The following ACSM2A variants were observed in gnomAD, a reference collection of about 807,000 sequenced individuals.
The protein encoded by ACSM2A is acyl-CoA synthetase medium chain family member 2A, also known as acyl-coenzyme A synthetase ACSM2A, mitochondrial.
A neutral mutation model predicts 76.6 loss-of-function variants in ACSM2A; 72 were observed. The ratio of observed to expected loss-of-function variants is 0.94; its 90% CI spans 0.78 to 1.14. ACSM2A has a LOEUF of 1.14. Ranked by LOEUF, ACSM2A falls within the 50% of genes most tolerant of loss-of-function variation. The pLI is 0.00. For missense variants in ACSM2A, 684 were observed against 708.5 expected, an observed-to-expected ratio of 0.97 and a Z score of 0.39; for synonymous variants, 249 against 255.9, an observed-to-expected ratio of 0.97 and a Z score of 0.26.
At position 20,469,620 on chromosome 16, in the gene ACSM2A, A is replaced by G. The variant is rs760909333; in HGVS notation, c.497A>G (p.Glu166Gly). The G allele has an allele frequency of 1.2e-6, 2 of 1,613,928 alleles. No homozygotes were observed. Among genetic ancestry groups the G allele is most frequent in the Non-Finnish European group, 1.7e-6 (2 of 1,179,832 alleles). The change falls in exon 4 of 14, where the codon GAA (glutamate) becomes GGA (glycine). Residue 166 changes from glutamate (E) to glycine (G), a missense_variant. Glu to Gly is a moderately conservative substitution (Grantham distance 98). Transcript: ENST00000573854. Reference protein sequence around the residue: ...AIVAGDEVIQEVDTVASECPS... With the variant: ...AIVAGDEVIQGVDTVASECPS... ...GTTGCTGGGGATGAAGTCATCCAAG[A>G]AGTGGACACAGTGGCATCTGAATGT...
In ACSM2A at chr16:20,475,616, A is replaced by G. The variant is rs764400166; in HGVS notation, c.975-34A>G. The G allele has an allele frequency of 6.8e-6, 11 of 1,613,070 alleles. No homozygotes were observed. The African/African-American group carries it at 1.5e-4, about 22-fold the overall frequency. On this transcript the variant is annotated intron_variant, in intron 7 of 13. Coordinates refer to ENST00000573854, the MANE Select transcript of ACSM2A (RefSeq NM_001308172.2). ...GCCTGAGTGGACTTTGGTTCCAGGG[A>G]GGCTGAGGGCAAACATTTATTTCTC...
intron 10 of ACSM2A, among the ~76,000 whole-genome samples, chr16:20,479,181 C>T (rs1388427816): frequency 6.6e-6 from 1 of 151,928 alleles, no homozygotes; most frequent in Non-Finnish European, 1.5e-5. Flanking sequence ...GATGGTGGAG[C>T]CAGAGATTAC....
intron 3 of ACSM2A, among the ~76,000 whole-genome samples, 194 bp from the exon 4 acceptor site, chr16:20,469,316 ACT>A (rs1352321115): frequency 1.3e-5 from 2 of 151,888 alleles, no homozygotes; most frequent in Admixed American, 1.3e-4. Flanking sequence ...GGCCCTTAAG[ACT>A]CTGACAACCC....
chr16:20,459,922 C>T (rs1453550498), intron 1 of ACSM2A, among the ~76,000 whole-genome samples, 185 bp from the exon 2 acceptor site: 2 of 152,088 alleles, frequency 1.3e-5, no homozygotes, highest in Admixed American at 6.6e-5. Flanking sequence ...CCTCTTATGC[C>T]TTTAGAAAAC....
chr16:20,455,858 C>A (rs1488174403), intron 1 of ACSM2A, among the ~76,000 whole-genome samples: 3 of 151,640 alleles, frequency 2.0e-5, no homozygotes, highest in Non-Finnish European at 2.9e-5. Flanking sequence ...TACAGAATTG[C>A]ATTATTGATA....
At chr16:20,459,901 T>A (rs1384293459) in intron 1 of ACSM2A, among the ~76,000 whole-genome samples, 1 of 152,186 alleles carries the variant, frequency 6.6e-6, no homozygotes, top group Non-Finnish European at 1.5e-5. Flanking sequence ...GATCTAGGAC[T>A]GGGTCTGTAT....
chr16:20,472,014 C>T (rs1252482227), intron 6 of ACSM2A, among the ~76,000 whole-genome samples: 2 of 152,158 alleles, frequency 1.3e-5, no homozygotes, highest in Admixed American at 6.6e-5. Context: ...AAAGGGAAAG[C>T]TGGAGTATTG....
chr16:20,475,639 C>G lies in ACSM2A; in HGVS notation c.975-11C>G. Reference sequence around the variant, plus strand: ...GGAGGCTGAGGGCAAACATTTATTTCTCTTCTTCAGTTACAAGTTCCCCCA... The same window carrying G: ...GGAGGCTGAGGGCAAACATTTATTTGTCTTCTTCAGTTACAAGTTCCCCCA... On this transcript the variant is annotated splice_polypyrimidine_tract_variant and intron_variant, in intron 7 of 13. Transcript: ENST00000573854. 1 of 1,613,930 alleles carries G rather than the reference C, an allele frequency of 6.2e-7. No individual in the cohort carries two copies. The highest frequency in any genetic ancestry group is 1.1e-5 in the South Asian group (1 of 91,064).
At chr16:20,462,359 G>C (rs1490971870) in intron 2 of ACSM2A, among the ~76,000 whole-genome samples, 1 of 152,096 alleles carries the variant, frequency 6.6e-6, no homozygotes, top group East Asian at 1.9e-4. Context: ...GAAGGGAGTT[G>C]GTTTCAGGAA....
In ACSM2A at chr16:20,460,354, T is replaced by G. The variant is rs535096824; in HGVS notation, c.177+63T>G. The G allele has an allele frequency of 7.8e-6, 12 of 1,545,636 alleles. No individual in the cohort carries two copies. In the African/African-American group the frequency reaches 1.7e-4, roughly 21 times the overall value. ...TTGTTGACTTTTAAAATTCATCCATTAATTCAGTAAATATTTGTTAAGTAC... is the reference window on the plus strand; with the variant it reads ...TTGTTGACTTTTAAAATTCATCCATGAATTCAGTAAATATTTGTTAAGTAC... On this transcript the variant is annotated intron_variant, in intron 2 of 13. Transcript: ENST00000573854.
In ACSM2A at chr16:20,465,518, C is replaced by T. The variant is rs142474503; in HGVS notation, c.179C>T (p.Ala60Val). Residue 60 changes from alanine (A) to valine (V), a missense_variant and splice_region_variant, in exon 3 of 14, where the codon GCT (alanine) becomes GTT (valine). By Grantham distance (64) the Ala-to-Val change is moderately conservative (BLOSUM62 0). Around this residue, in one of 3 missense-constraint regions of ACSM2A, gnomAD observed 519 missense variants for 549.5 expected, o/e 0.94. Transcript: ENST00000573854. ...TCAACAGGGCTTCTCTTTCCTCAGGCTGGCAAGCGACTCCCAAGCCCAGCC... is the reference window on the plus strand; with the variant it reads ...TCAACAGGGCTTCTCTTTCCTCAGGTTGGCAAGCGACTCCCAAGCCCAGCC... The part of the protein sequence containing the change: ...VLDHWADMEK[A>V]GKRLPSPALW... 6.4e-4 allele frequency: 1,035 copies of T among 1,613,730 alleles called. No individual in the cohort carries two copies. The highest frequency in any genetic ancestry group is 8.3e-4 in the Non-Finnish European group (975 of 1,179,806).
chr16:20,464,820 G>A (rs563295908), intron 2 of ACSM2A, among the ~76,000 whole-genome samples: 2 of 152,246 alleles, frequency 1.3e-5, no homozygotes, highest in South Asian at 4.1e-4. Flanking sequence ...CGGGGACAGA[G>A]TTTTCATTTT....
Position 20,458,917 on chromosome 16 carries a change from T to C in ACSM2A, c.-8-1190T>C, listed in dbSNP as rs1472073291. Among the ~76,000 whole-genome samples the C allele has an allele frequency of 5.8e-4, 36 of 62,472 alleles. 1 individual carries two copies. The highest frequency in any genetic ancestry group is 3.0e-3 in the African/African-American group (34 of 11,350). 41.0% of individuals were successfully genotyped at this position (62,472 alleles called of 152,430 possible). The stretch of plus-strand genomic sequence containing the variant: ...TTATATATATATGCATATATATATA[T>C]ATATATATATATATACATATATATA... On this transcript the variant is annotated intron_variant, in intron 1 of 13. Coordinates refer to ENST00000573854, the MANE Select transcript of ACSM2A (RefSeq NM_001308172.2).
At chr16:20,482,215 A>G (rs1348852357) in intron 12 of ACSM2A, 1 of 151,984 alleles carries the variant, frequency 6.6e-6, no homozygotes, top group Non-Finnish European at 1.5e-5. Flanking sequence ...AGCACATAGT[A>G]AGTACTATAT....
chr16:20,469,463 G>T (rs1190009493), intron 3 of ACSM2A, 49 bp from the exon 4 acceptor site: 2 of 1,608,660 alleles, frequency 1.2e-6, no homozygotes, highest in Middle Eastern at 1.7e-4. Flanking sequence ...CTTCTCTAGG[G>T]ACAAAGAAAA....
intron 4 of ACSM2A, among the ~76,000 whole-genome samples, chr16:20,470,453 C>T (rs913606294): frequency 2.6e-5 from 4 of 152,132 alleles, no homozygotes; most frequent in African/African-American, 9.7e-5. Context: ...TGTCTGAAAT[C>T]CCTCTAGCAG....
intron 2 of ACSM2A, among the ~76,000 whole-genome samples, chr16:20,464,491 A>G (rs928220315): frequency 3.3e-5 from 5 of 152,214 alleles, no homozygotes; most frequent in African/African-American, 1.2e-4. Flanking sequence ...AAGAAAGAGC[A>G]GGCACAATAA....
intron 7 of ACSM2A, 59 bp from the exon 8 acceptor site, chr16:20,475,591 G>T (rs1634305): frequency 0.083 from 134,425 of 1,611,856 alleles, 6,923 homozygotes; most frequent in East Asian, 0.22. Context: ...CCCAGTCTAG[G>T]CCTGAGTGGA....
intron 1 of ACSM2A, among the ~76,000 whole-genome samples, chr16:20,457,338 C>A (rs2012241136): frequency 6.6e-6 from 1 of 151,960 alleles, no homozygotes; most frequent in Non-Finnish European, 1.5e-5. Flanking sequence ...CCCTCATACC[C>A]AAACCAGAAA....
Sources: gnomAD v4.1 joint callset for allele counts (sites outside exome capture counted in the v4.1 genomes callset) on GRCh38, gnomAD v4.1.1 for gene constraint, gnomAD v4.1.1 regional missense constraint, MANE v1.5 for transcripts, NCBI Gene and HGNC (gene_info 2026-07-23, HGNC 2026-07-21) for gene names.